FBXO25: variants seen among roughly 807,000 people sequenced by gnomAD.
FBXO25 encodes F-box protein 25, also known as F-box only protein 25.
A neutral mutation model predicts 51.9 loss-of-function variants in FBXO25; 45 were observed. The observed-to-expected ratio is 0.87, with a 90% CI of 0.68 to 1.11. The LOEUF (loss-of-function observed/expected upper bound fraction) is 1.11. Among genes scored for constraint, FBXO25 ranks in the 50% most tolerant of loss-of-function variants. The pLI is 0.00. For synonymous variants in FBXO25, 199 were observed against 151.0 expected, an observed-to-expected ratio of 1.32 and a Z score of -2.33; for missense variants, 507 against 428.5, an observed-to-expected ratio of 1.18 and a Z score of -1.62.
intron 5 of FBXO25, among the ~76,000 whole-genome samples, chr8:442,295 T>C (rs543609360): frequency 6.6e-6 from 1 of 152,246 alleles, no homozygotes; most frequent in South Asian, 2.1e-4. Context: ...TTATTTTTTT[T>C]TTTTTACCAC....
intron 5 of FBXO25, among the ~76,000 whole-genome samples, chr8:447,143 A>C (rs915056051): frequency 5.9e-5 from 9 of 152,150 alleles, no homozygotes; most frequent in African/African-American, 2.2e-4. Context: ...CAGATGTTCA[A>C]CTCCAGCTTG....
intron 7 of FBXO25, among the ~76,000 whole-genome samples, chr8:456,353 G>T (rs923123891): frequency 6.6e-6 from 1 of 152,178 alleles, no homozygotes; most frequent in African/African-American, 2.4e-5. Flanking sequence ...GGGATTATAG[G>T]CGTGAGCCAC....
At chr8:466,975 G>GT (rs1800204212) in intron 9 of FBXO25, among the ~76,000 whole-genome samples, 1 of 152,162 alleles carries the variant, frequency 6.6e-6, no homozygotes, top group Non-Finnish European at 1.5e-5. Flanking sequence ...TTTATGTCCT[G>GT]TTTTTTCTTG....
intron 1 of FBXO25, among the ~76,000 whole-genome samples, chr8:411,391 C>G (rs1796475555): frequency 6.6e-6 from 1 of 152,086 alleles, no homozygotes; most frequent in African/African-American, 2.4e-5. Flanking sequence ...TGGCTTATAT[C>G]TGCCGATCCC....
rs188530860 is a variant in FBXO25, at chr8:464,067, C to G, written c.987+917C>G. Among the ~76,000 whole-genome samples, 4 of 152,292 alleles carry G rather than the reference C, an allele frequency of 2.6e-5. No homozygotes were observed. The East Asian group carries it at 5.8e-4, about 22-fold the overall frequency. On this transcript the variant is annotated intron_variant, in intron 9 of 9. Coordinates refer to ENST00000350302, the MANE Select transcript of FBXO25 (RefSeq NM_183420.2). ...TCACTTCAGCCCCGACTTCTGGGCT[C>G]AAGTGATTCTCCCACCTCAGCCTCC...
chr8:455,485 C>T (rs1316834542), intron 7 of FBXO25, among the ~76,000 whole-genome samples: 1 of 152,150 alleles, frequency 6.6e-6, no homozygotes, highest in Non-Finnish European at 1.5e-5. Flanking sequence ...TGGAGAAGGG[C>T]AGAGCAGTTG....
intron 2 of FBXO25, among the ~76,000 whole-genome samples, chr8:414,410 A>G (rs868655603): frequency 3.9e-5 from 6 of 152,192 alleles, no homozygotes; most frequent in Admixed American, 2.0e-4. Flanking sequence ...ATTTACTCCC[A>G]GTAGCCACTA....
chr8:445,035 C>G (rs1351237423), intron 5 of FBXO25, among the ~76,000 whole-genome samples: 2 of 152,174 alleles, frequency 1.3e-5, no homozygotes, highest in South Asian at 2.1e-4. Context: ...TGCTTTATGG[C>G]TAATTAGAGG....
intron 7 of FBXO25, among the ~76,000 whole-genome samples, chr8:452,048 T>C (rs1026977348): frequency 2.0e-5 from 3 of 152,228 alleles, no homozygotes; most frequent in Admixed American, 6.5e-5. Context: ...ACCGAAGATA[T>C]ATCTTAGCGG....
At chr8:435,230 AGTTAATCAGGTGATTTAT>A (rs1431582896) in intron 4 of FBXO25, among the ~76,000 whole-genome samples, 1 of 152,178 alleles carries the variant, frequency 6.6e-6, no homozygotes, top group Non-Finnish European at 1.5e-5. Flanking sequence ...CTTACAATGC[AGTTAATCAGGTGATTTAT>A]GTATTTTTAG....
chr8:433,517 G>T (rs1162775777), intron 4 of FBXO25, among the ~76,000 whole-genome samples: 1 of 152,112 alleles, frequency 6.6e-6, no homozygotes. Context: ...ATTGGGTTGG[G>T]TTTGTGCAGA....
rs1229944201 is a variant in FBXO25 at position 477,911 on chromosome 8, C to T, written c.*9107C>T. ...TTTTGGCCTGTATTTCACTTGCCAA[C>T]CTGATTTATACTTTTGTATCTATTT... On this transcript the variant is annotated 3_prime_UTR_variant, in exon 10 of 10. Transcript: ENST00000350302. The T allele has an allele frequency of 6.6e-6, 1 of 152,136 alleles. No individual in the cohort carries two copies. The highest frequency in any genetic ancestry group is 1.5e-5 in the Non-Finnish European group (1 of 68,004). 9.4% of individuals were successfully genotyped at this position (152,136 alleles called of 1,614,324 possible).
Position 474,070 on chromosome 8 carries a change from C to G in FBXO25, c.*5266C>G, listed in dbSNP as rs1800569341. 6.6e-6 allele frequency: 1 copy of G among 152,286 alleles called. No individual in the cohort carries two copies. Among genetic ancestry groups the G allele is most frequent in the Admixed American group, 6.5e-5 (1 of 15,280 alleles). The allele number at this position is 152,286 out of a possible 1,614,324, so 9.4% of individuals were successfully genotyped here. ...ACTTTACAAGATGAACTTTTGTCAT[C>G]TTGTAAAACTGAAGCTCTGTACCCA... is the stretch of plus-strand genomic sequence containing the variant. On this transcript the variant is annotated 3_prime_UTR_variant, in exon 10 of 10. Coordinates refer to ENST00000350302, the MANE Select transcript of FBXO25 (RefSeq NM_183420.2).
At chr8:440,983 A>G (rs1005707076) in intron 5 of FBXO25, among the ~76,000 whole-genome samples, 3 of 147,622 alleles carry the variant, frequency 2.0e-5, no homozygotes, top group African/African-American at 7.6e-5. Context: ...TATCCAGTCT[A>G]TCACTGATGG....
chr8:451,005 G>A (rs1337621160), intron 6 of FBXO25: 2 of 290,426 alleles, frequency 6.9e-6, no homozygotes, highest in African/African-American at 4.4e-5. Context: ...TATGTAAGTG[G>A]GTGCCTCATG....
At chr8:467,360 G>A (rs973435352) in intron 9 of FBXO25, among the ~76,000 whole-genome samples, 1 of 152,202 alleles carries the variant, frequency 6.6e-6, no homozygotes, top group East Asian at 1.9e-4. Flanking sequence ...CTGTTATAAA[G>A]TTTTAATATA....
At chr8:451,114 T>A (rs1563088408) in intron 6 of FBXO25, 155 bp from the exon 7 acceptor site, 1 of 610,266 alleles carries the variant, frequency 1.6e-6, no homozygotes, top group African/African-American at 1.9e-5. Flanking sequence ...AGAATTTCCC[T>A]CCTTTTTAGG....
chr8:423,193 G>A (rs1332308977), intron 2 of FBXO25, among the ~76,000 whole-genome samples: 2 of 152,174 alleles, frequency 1.3e-5, no homozygotes, highest in Non-Finnish European at 2.9e-5. Context: ...TCATCACACT[G>A]ATGTAAATAG....
At chr8:468,310 G>T in intron 9 of FBXO25, 1 of 1,009,576 alleles carries the variant, frequency 9.9e-7, no homozygotes, top group South Asian at 4.3e-5. Flanking sequence ...AGGGAACCCT[G>T]TGTAACAAAG....
Sources: allele counts gnomAD v4.1 joint callset (sites outside exome capture counted in the v4.1 genomes callset), GRCh38; gene constraint gnomAD v4.1.1; transcripts MANE v1.5; gene names NCBI Gene and HGNC (gene_info 2026-07-23, HGNC 2026-07-21).